Variants in E2F7 observed in about 807,000 individuals in gnomAD.
E2F7 encodes the protein E2F transcription factor 7, also known as transcription factor E2F7.
Under a neutral mutation model 81.1 loss-of-function variants are expected in E2F7, and 35 were observed. The observed-to-expected ratio is 0.43, with a 90% CI of 0.33 to 0.57. E2F7 has a LOEUF of 0.57. Ranked by LOEUF, E2F7 falls within the 20% of genes least tolerant of loss-of-function variation. The probability of loss-of-function intolerance (pLI) is 0.04; values close to 1 mark genes in which losing one functional copy is unlikely to be tolerated. For synonymous variants in E2F7, 416 were observed against 416.2 expected, an observed-to-expected ratio of 1.00 and a Z score of 0.01; for missense variants, 961 against 1,093.7, an observed-to-expected ratio of 0.88 and a Z score of 1.71.
At chr12:77,053,452 T>C (rs775758120) in intron 3 of E2F7, among the ~76,000 whole-genome samples, 2 of 152,198 alleles carry the variant, frequency 1.3e-5, no homozygotes, top group African/African-American at 2.4e-5. Flanking sequence ...CAGTGTACAC[T>C]TGGGAGAGAA....
chr12:77,044,260 C>T (rs1271407716), intron 6 of E2F7: 1 of 458,974 alleles, frequency 2.2e-6, no homozygotes, highest in Admixed American at 2.3e-5. Flanking sequence ...AGACAATTTT[C>T]ATCTCCACCC....
intron 3 of E2F7, among the ~76,000 whole-genome samples, chr12:77,052,892 G>A (rs2120731897): frequency 6.6e-6 from 1 of 152,042 alleles, no homozygotes; most frequent in South Asian, 2.1e-4. Context: ...AAAACATGGT[G>A]GCCAGTAAAC....
intron 12 of E2F7, among the ~76,000 whole-genome samples, chr12:77,025,275 C>T (rs777221704): frequency 1.3e-5 from 2 of 152,136 alleles, no homozygotes; most frequent in Non-Finnish European, 2.9e-5. Context: ...AAATATTTAG[C>T]ATTCCTCAAA....
intron 4 of E2F7, 88 bp downstream of exon 4, chr12:77,050,488 A>G: frequency 7.2e-7 from 1 of 1,397,160 alleles, no homozygotes; most frequent in African/African-American, 1.4e-5. Flanking sequence ...TGAGGGGCCC[A>G]CTCTACTTCA....
At chr12:77,051,316 G>T (rs1341272213) in intron 3 of E2F7, among the ~76,000 whole-genome samples, 1 of 152,020 alleles carries the variant, frequency 6.6e-6, no homozygotes, top group East Asian at 1.9e-4. Flanking sequence ...ATTTGAAAGG[G>T]GCTCCATTCA....
At chr12:77,061,171 C>T (rs1441690822) in intron 2 of E2F7, among the ~76,000 whole-genome samples, 1 of 152,180 alleles carries the variant, frequency 6.6e-6, no homozygotes, top group Non-Finnish European at 1.5e-5. Context: ...TTAAAATCAA[C>T]CTGTATGCTG....
intron 7 of E2F7, 132 bp downstream of exon 7, chr12:77,042,933 G>C: frequency 7.2e-7 from 1 of 1,386,408 alleles, no homozygotes; most frequent in Non-Finnish European, 9.9e-7. Flanking sequence ...TGTTCCAAGA[G>C]TGGAGTCACT....
At chr12:77,035,204 T>C (rs1441198694) in intron 7 of E2F7, among the ~76,000 whole-genome samples, 1 of 151,984 alleles carries the variant, frequency 6.6e-6, no homozygotes, top group East Asian at 1.9e-4. Flanking sequence ...TCTCCCTAAG[T>C]TGAGGATAGA....
At chr12:77,028,985 G>A (rs1276232840) in intron 10 of E2F7, among the ~76,000 whole-genome samples, 2 of 152,200 alleles carry the variant, frequency 1.3e-5, no homozygotes, top group Non-Finnish European at 2.9e-5. Context: ...GGCCATGGTG[G>A]TTAGACTGTG....
intron 7 of E2F7, among the ~76,000 whole-genome samples, chr12:77,039,085 T>G (rs1224908128): frequency 1.3e-5 from 2 of 152,160 alleles, no homozygotes; most frequent in Non-Finnish European, 2.9e-5. Context: ...CGTCAATTTG[T>G]TTTTAATAAA....
rs1043144650 is a variant in E2F7, at chr12:77,059,070, T to C, written c.94-2940A>G. ...GACAGAGATTTACATGCCTTCTCCA[T>C]TGCTTCCAAAAGAGTTACTTTAGCG... On this transcript the variant is annotated intron_variant, in intron 2 of 12. Transcript: ENST00000322886. 1.2e-4 allele frequency among the ~76,000 whole-genome samples: 18 copies of C among 152,326 alleles called. No individual in the cohort carries two copies. In the East Asian group the frequency reaches 2.9e-3, roughly 24 times the overall value.
chr12:77,023,769 T>C lies in E2F7; in HGVS notation c.*246A>G. On this transcript the variant is annotated 3_prime_UTR_variant, in exon 13 of 13. Transcript: ENST00000322886. ...CTTCCAGAATAAGACGATTCTTGAA[T>C]CAAAACCATAAGTCAGTCGGCGCTT... The C allele has an allele frequency of 2.2e-6, 1 of 448,026 alleles. No individual in the cohort carries two copies. The allele number at this position is 448,026 out of a possible 1,614,324, so 27.8% of individuals were successfully genotyped here.
rs1592556227 is a variant in E2F7, at chr12:77,033,107, G to C, written c.1325C>G (p.Ser442Cys). The C allele has an allele frequency of 6.2e-7, 1 of 1,613,832 alleles. No individual in the cohort carries two copies. ...YREEQGSGGYSLEIGSLAAVY... is the reference protein window; with the variant it reads ...YREEQGSGGYCLEIGSLAAVY... ...AGCTGCCAGGCTTCCAATTTCTAAAGAGTAGCCACCTGATCCTGAAAAGGA... is the reference window on the plus strand; with the variant it reads ...AGCTGCCAGGCTTCCAATTTCTAAACAGTAGCCACCTGATCCTGAAAAGGA... Residue 442 changes from serine (S) to cysteine (C), a missense_variant, in exon 9 of 13, where the codon TCT (serine) becomes TGT (cysteine). Ser to Cys is a moderately radical substitution (Grantham distance 112). Around this residue, in one of 3 missense-constraint regions of E2F7, gnomAD observed 587 missense variants for 620.3 expected, o/e 0.95. Coordinates refer to ENST00000322886, the MANE Select transcript of E2F7 (RefSeq NM_203394.3).
At chr12:77,029,049 C>T (rs183397418) in intron 10 of E2F7, among the ~76,000 whole-genome samples, 238 of 152,254 alleles carry the variant, frequency 1.6e-3, no homozygotes, top group African/African-American at 5.3e-3. Context: ...CTAGTCTTTT[C>T]GGGTCTTATA....
At chr12:77,053,872 T>C (rs1955009815) in intron 3 of E2F7, among the ~76,000 whole-genome samples, 1 of 152,178 alleles carries the variant, frequency 6.6e-6, no homozygotes, top group African/African-American at 2.4e-5. Flanking sequence ...GAAATGTAAA[T>C]TAATTACATC....
At position 77,064,568 on chromosome 12, in the gene E2F7, A is replaced by C; in HGVS notation, c.68T>G (p.Val23Gly). The C allele has an allele frequency of 1.2e-6, 2 of 1,614,164 alleles. No individual in the cohort carries two copies. The highest frequency in any genetic ancestry group is 4.5e-5 in the East Asian group (2 of 44,880). ...SPRQPRLDFA[V>G]EDGENAQKEN... ...CTTTTGTGCATTTTCCCCATCTTCAACTGCAAAATCTAGTCTGGGCTGCCT... is the reference window on the plus strand; with the variant it reads ...CTTTTGTGCATTTTCCCCATCTTCACCTGCAAAATCTAGTCTGGGCTGCCT... Residue 23 changes from valine (V) to glycine (G), a missense_variant, in exon 2 of 13, where the codon GTT becomes GGT. By Grantham distance (109) the Val-to-Gly change is moderately radical. Coordinates refer to ENST00000322886, the MANE Select transcript of E2F7 (RefSeq NM_203394.3).
chr12:77,035,181 CAG>C (rs2120657609), intron 7 of E2F7, among the ~76,000 whole-genome samples: 1 of 152,254 alleles, frequency 6.6e-6, no homozygotes, highest in Non-Finnish European at 1.5e-5. Context: ...GGGACCTAGA[CAG>C]AGACTGTAGG....
chr12:77,063,315 C>T (rs1297131764), intron 2 of E2F7, among the ~76,000 whole-genome samples: 1 of 152,106 alleles, frequency 6.6e-6, no homozygotes, highest in Non-Finnish European at 1.5e-5. Flanking sequence ...GAAAGAAAAT[C>T]GTACGCCAAG....
chr12:77,028,119 T>G lies in E2F7; in HGVS notation c.1904A>C (p.Asp635Ala). The G allele has an allele frequency of 6.2e-7, 1 of 1,613,756 alleles. No individual in the cohort carries two copies. Among genetic ancestry groups the G allele is most frequent in the Non-Finnish European group, 8.5e-7 (1 of 1,179,880 alleles). Residue 635 changes from aspartate to alanine, a missense_variant, in exon 11 of 13, where the codon GAC becomes GCC. By Grantham distance (126) the Asp-to-Ala change is moderately radical (BLOSUM62 -2). This residue lies in a region of E2F7 where 587 missense variants were observed against 620.3 expected (regional missense o/e 0.95). Coordinates refer to ENST00000322886, the MANE Select transcript of E2F7 (RefSeq NM_203394.3). ...VMPKKPSDST[D>A]LASPKTMGNR... is the part of the protein sequence containing the mutation. ...ACCCATAGTCTTGGGAGAGGCAAGG[T>G]CTGTGGAATCTGAGGGTTTCTAAAC...
Sources: allele counts gnomAD v4.1 joint callset (sites outside exome capture counted in the v4.1 genomes callset), GRCh38; gene constraint gnomAD v4.1.1; regional missense constraint gnomAD v4.1.1; transcripts MANE v1.5; gene names NCBI Gene and HGNC (gene_info 2026-07-23, HGNC 2026-07-21).